The following FGF13 variants were observed in gnomAD, a reference collection of about 807,000 sequenced individuals.
FGF13 encodes the protein fibroblast growth factor 13.
In FGF13, 2 loss-of-function variants were observed where a neutral mutation model predicts 19.5. The ratio of observed to expected loss-of-function variants is 0.10; its 90% CI spans 0.04 to 0.32. FGF13 has a LOEUF of 0.32. Among genes scored for constraint, FGF13 ranks in the 10% least tolerant of loss-of-function variants. FGF13 has a pLI of 1.00. For missense variants in FGF13, 113 were observed against 192.7 expected, an observed-to-expected ratio of 0.59 and a Z score of 2.45; for synonymous variants, 72 against 76.9, an observed-to-expected ratio of 0.94 and a Z score of 0.33.
At chrX:138,740,193 C>T (rs757929703), upstream of FGF13, among the ~76,000 whole-genome samples, 1 of 111,464 alleles carries the variant, frequency 9.0e-6, no homozygotes, top group Non-Finnish European at 1.9e-5. Context: ...TCCTTTTGAA[C>T]AGACTGGATT....
At chrX:139,099,065 C>T (rs2124455482) in intron 1 of FGF13, among the ~76,000 whole-genome samples, 1 of 110,730 alleles carries the variant, frequency 9.0e-6, no homozygotes, top group African/African-American at 3.3e-5. Flanking sequence ...TCTCTTATGG[C>T]CCCCATGGCT....
intron 1 of FGF13, among the ~76,000 whole-genome samples, chrX:138,935,251 G>A (rs1381227799): frequency 2.7e-5 from 3 of 111,384 alleles, no homozygotes; most frequent in Non-Finnish European, 5.6e-5. Context: ...AATACTGTGA[G>A]AAAGCTGGGA....
In FGF13 at chrX:138,735,914, T is replaced by A. The variant is rs913518391; in HGVS notation, c.28+3328A>T. 4.5e-5 allele frequency among the ~76,000 whole-genome samples: 5 copies of A among 112,335 alleles called. No homozygotes were observed. The Admixed American group carries it at 4.7e-4, about 11-fold the overall frequency. ...TAGAAACACTCACAAAAAGGCTCCTTTCTTTACTGCATATCCCATGTGGAT... is the reference window on the plus strand; with the variant it reads ...TAGAAACACTCACAAAAAGGCTCCTATCTTTACTGCATATCCCATGTGGAT... On this transcript the variant is annotated intron_variant, in intron 1 of 4. Transcript: ENST00000305414.
At chrX:138,687,795 T>C (rs986289033) in intron 3 of FGF13, among the ~76,000 whole-genome samples, 1 of 111,666 alleles carries the variant, frequency 9.0e-6, no homozygotes, top group Non-Finnish European at 1.9e-5. Context: ...GTGGTACATA[T>C]ACACAATGCA....
At chrX:139,162,061 T>C (rs946299205) in intron 1 of FGF13, among the ~76,000 whole-genome samples, 16 of 111,937 alleles carry the variant, frequency 1.4e-4, no homozygotes, top group Non-Finnish European at 2.3e-4. Flanking sequence ...AAATTTCATA[T>C]AGAACCACAA....
At position 138,626,848 on chromosome X, in the gene FGF13, G is replaced by A. The variant is rs1328523379; in HGVS notation, c.*6002C>T. 1 of 111,973 alleles carries A rather than the reference G, an allele frequency of 8.9e-6. No homozygotes were observed. The highest frequency in any genetic ancestry group is 1.9e-5 in the Non-Finnish European group (1 of 53,235). 9.2% of individuals were successfully genotyped at this position (111,973 alleles called of 1,213,427 possible). Reference sequence around the variant, plus strand: ...TGAAACGTTCTTAAGACCCATGAAAGTCAAATATTGTTCAAGCTGTTTTAT... The same window carrying A: ...TGAAACGTTCTTAAGACCCATGAAAATCAAATATTGTTCAAGCTGTTTTAT... On this transcript the variant is annotated 3_prime_UTR_variant, in exon 5 of 5. Coordinates refer to ENST00000315930, the MANE Select transcript of FGF13 (RefSeq NM_004114.5).
At chrX:138,940,600 T>G (rs959198588) in intron 1 of FGF13, among the ~76,000 whole-genome samples, 2 of 112,019 alleles carry the variant, frequency 1.8e-5, no homozygotes, top group African/African-American at 6.5e-5. Context: ...CTTGAGATGA[T>G]TTTTGTATAT....
intron 3 of FGF13, among the ~76,000 whole-genome samples, chrX:138,813,616 T>C (rs2090941976): frequency 8.9e-6 from 1 of 112,152 alleles, no homozygotes; most frequent in Non-Finnish European, 1.9e-5. Flanking sequence ...CCGTGCTCTG[T>C]TAAGTTTGCA....
At chrX:138,919,632 T>C (rs185886989) in intron 1 of FGF13, among the ~76,000 whole-genome samples, 77 of 112,068 alleles carry the variant, frequency 6.9e-4, no homozygotes, top group Admixed American at 1.6e-3. Flanking sequence ...ACATACTATA[T>C]AATTTCTTTT....
chrX:138,872,340 T>C (rs1320442831), intron 1 of FGF13, among the ~76,000 whole-genome samples: 1 of 112,084 alleles, frequency 8.9e-6, no homozygotes, highest in South Asian at 3.7e-4. Flanking sequence ...TGGTGTCTCA[T>C]TGCACTAAAT....
intron 1 of FGF13, among the ~76,000 whole-genome samples, chrX:139,071,887 G>A (rs974578499): frequency 1.9e-5 from 2 of 106,608 alleles, no homozygotes; most frequent in Admixed American, 1.0e-4. Flanking sequence ...GCAGTGACAG[G>A]CACCTGTAGT....
intron 1 of FGF13, among the ~76,000 whole-genome samples, chrX:139,030,578 A>G (rs1374443423): frequency 5.4e-5 from 6 of 111,516 alleles, no homozygotes; most frequent in African/African-American, 2.0e-4. Context: ...CTCTTCTGCA[A>G]TTGCAGCCAC....
intron 1 of FGF13, among the ~76,000 whole-genome samples, chrX:139,028,050 A>G (rs1029592398): frequency 2.7e-5 from 3 of 111,681 alleles, no homozygotes; most frequent in African/African-American, 9.7e-5. Context: ...AACGGTATTT[A>G]AGCACAGGTT....
intron 3 of FGF13, among the ~76,000 whole-genome samples, chrX:138,745,044 C>A (rs2090345610): frequency 4.5e-5 from 5 of 111,915 alleles, no homozygotes; most frequent in Admixed American, 3.8e-4. Flanking sequence ...TCTCTGACAC[C>A]TGGATGAGTC....
At chrX:138,859,443 G>C (rs2091276848) in intron 2 of FGF13, among the ~76,000 whole-genome samples, 1 of 112,406 alleles carries the variant, frequency 8.9e-6, no homozygotes, top group African/African-American at 3.2e-5. Flanking sequence ...GACAATTGGA[G>C]GATAAAAGAG....
intron 1 of FGF13, among the ~76,000 whole-genome samples, chrX:139,030,127 T>C (rs1395079344): frequency 2.7e-5 from 3 of 111,505 alleles, no homozygotes; most frequent in African/African-American, 9.8e-5. Flanking sequence ...TGGCAAGTAA[T>C]TTGGGAGAAC....
At chrX:138,838,904 T>C (rs1485356910) in intron 3 of FGF13, among the ~76,000 whole-genome samples, 2 of 111,592 alleles carry the variant, frequency 1.8e-5, no homozygotes, top group East Asian at 5.6e-4. Flanking sequence ...ATGGAATGAA[T>C]CTATTTTACA....
intron 1 of FGF13, among the ~76,000 whole-genome samples, chrX:138,885,837 G>A (rs896602318): frequency 9.1e-6 from 1 of 109,663 alleles, no homozygotes; most frequent in African/African-American, 3.3e-5. Flanking sequence ...CATTAAATAT[G>A]TGTTAAATAG....
intron 3 of FGF13, among the ~76,000 whole-genome samples, chrX:138,765,305 AAAT>A (rs1306368457): frequency 6.3e-5 from 7 of 111,994 alleles, no homozygotes; most frequent in African/African-American, 1.9e-4. Flanking sequence ...CCCCTTCAGA[AAAT>A]TCCAGATCTA....
Sources: allele counts gnomAD v4.1 joint callset (sites outside exome capture counted in the v4.1 genomes callset), GRCh38; gene constraint gnomAD v4.1.1; transcripts MANE v1.5; gene names NCBI Gene and HGNC (gene_info 2026-07-23, HGNC 2026-07-21).